PTPRM: variants seen among roughly 807,000 people sequenced by gnomAD.
The protein encoded by PTPRM is protein tyrosine phosphatase receptor type M.
In PTPRM, 47 loss-of-function variants were observed where a neutral mutation model predicts 186.7. The observed-to-expected ratio is 0.25, with a 90% CI of 0.20 to 0.32. PTPRM has a LOEUF of 0.32. Among genes scored for constraint, PTPRM ranks in the 10% least tolerant of loss-of-function variants. The pLI is 1.00. For synonymous variants in PTPRM, 668 were observed against 674.9 expected, an observed-to-expected ratio of 0.99 and a Z score of 0.16; for missense variants, 1,494 against 1,865.0, an observed-to-expected ratio of 0.80 and a Z score of 3.66.
At position 8,233,219 on chromosome 18, in the gene PTPRM, C is replaced by T. The variant is rs1041215213; in HGVS notation, c.2301-10839C>T. 1.5e-4 allele frequency among the ~76,000 whole-genome samples: 23 copies of T among 152,344 alleles called. 1 individual carries two copies. Among genetic ancestry groups the T allele is most frequent in the African/African-American group, 4.3e-4 (18 of 41,586 alleles). On this transcript the variant is annotated intron_variant, in intron 14 of 32. Transcript: ENST00000580170. ...CCTCCCAGAGTGCTGGGATTACAGG[C>T]GTAAGCCACTGTGCCTGGCCCAAAC... is the stretch of plus-strand genomic sequence containing the variant.
intron 1 of PTPRM, among the ~76,000 whole-genome samples, chr18:7,616,082 A>G (rs1421914393): frequency 6.6e-6 from 1 of 152,158 alleles, no homozygotes; most frequent in Non-Finnish European, 1.5e-5. Flanking sequence ...ACAGGCCGTG[A>G]CTGGTAGCAG....
chr18:7,977,896 C>T (rs2055065174), intron 7 of PTPRM, among the ~76,000 whole-genome samples: 1 of 152,218 alleles, frequency 6.6e-6, no homozygotes, highest in Non-Finnish European at 1.5e-5. Context: ...AAGTCTCAGA[C>T]TCCTCACAGT....
At chr18:8,209,989 TAAAAAAAAAAAAAA>T (rs67547673) in intron 14 of PTPRM, among the ~76,000 whole-genome samples, 4,798 of 78,814 alleles carry the variant, frequency 0.061, 342 homozygotes, top group African/African-American at 0.2. Context: ...GAAGTAAAAT[TAAAAAAAAAAAAAA>T]AAAAAAAAAA....
intron 1 of PTPRM, among the ~76,000 whole-genome samples, chr18:7,646,677 C>T (rs2038572112): frequency 6.6e-6 from 1 of 152,148 alleles, no homozygotes; most frequent in South Asian, 2.1e-4. Flanking sequence ...GAAATCCGAG[C>T]TTTCCATTAA....
chr18:7,825,130 G>A (rs1187043859), intron 2 of PTPRM, among the ~76,000 whole-genome samples: 1 of 152,176 alleles, frequency 6.6e-6, no homozygotes, highest in African/African-American at 2.4e-5. Flanking sequence ...TCCCTAGGAA[G>A]AAGTGGCCGG....
chr18:8,250,858 C>T (rs942274779), intron 17 of PTPRM, among the ~76,000 whole-genome samples: 1 of 150,876 alleles, frequency 6.6e-6, no homozygotes, highest in Non-Finnish European at 1.5e-5. Context: ...AAATTAATGA[C>T]AAGTAATATA....
chr18:8,126,013 A>AT (rs2092343847), intron 13 of PTPRM, among the ~76,000 whole-genome samples: 2 of 22,418 alleles, frequency 8.9e-5, no homozygotes, highest in Non-Finnish European at 1.9e-4. Flanking sequence ...ATATATATAT[A>AT]TATATATATA....
At chr18:7,756,830 G>A (rs997064756) in intron 1 of PTPRM, among the ~76,000 whole-genome samples, 15 of 152,200 alleles carry the variant, frequency 9.9e-5, no homozygotes, top group Non-Finnish European at 1.9e-4. Flanking sequence ...TGTAAAGGGG[G>A]GACAACGTTT....
At chr18:8,131,449 T>C (rs1351602496) in intron 13 of PTPRM, among the ~76,000 whole-genome samples, 1 of 152,226 alleles carries the variant, frequency 6.6e-6, no homozygotes, top group Non-Finnish European at 1.5e-5. Flanking sequence ...ACAGCTATTT[T>C]ATTTCAAGCA....
At chr18:7,748,202 A>G (rs911400137) in intron 1 of PTPRM, among the ~76,000 whole-genome samples, 2 of 152,242 alleles carry the variant, frequency 1.3e-5, no homozygotes. Flanking sequence ...CACTAGTCAT[A>G]CAAGGCTACT....
intron 11 of PTPRM, among the ~76,000 whole-genome samples, chr18:8,092,574 T>C (rs2090798223): frequency 6.6e-6 from 1 of 152,052 alleles, no homozygotes; most frequent in South Asian, 2.1e-4. Context: ...ACAGTGCCCC[T>C]GGCAAATTCA....
intron 2 of PTPRM, among the ~76,000 whole-genome samples, chr18:7,842,930 G>GTGTGTGTGTGTATATA (rs377182615): frequency 2.0e-5 from 2 of 100,934 alleles, no homozygotes; most frequent in African/African-American, 9.9e-5. Context: ...GTGTGTGTGT[G>GTGTGTGTGTGTATATA]TATATATATA....
At chr18:8,037,004 C>T (rs1412353030) in intron 7 of PTPRM, among the ~76,000 whole-genome samples, 1 of 152,164 alleles carries the variant, frequency 6.6e-6, no homozygotes, top group African/African-American at 2.4e-5. Context: ...GGATCATGGG[C>T]TCCTTGTTTT....
intron 7 of PTPRM, among the ~76,000 whole-genome samples, chr18:8,005,130 G>A (rs1349900415): frequency 1.3e-5 from 2 of 152,154 alleles, no homozygotes; most frequent in Non-Finnish European, 2.9e-5. Flanking sequence ...GGGCATGGCT[G>A]GTGAATGGTT....
At chr18:8,260,118 CA>C (rs1207953231) in intron 19 of PTPRM, among the ~76,000 whole-genome samples, 1 of 152,042 alleles carries the variant, frequency 6.6e-6, no homozygotes, top group Non-Finnish European at 1.5e-5. Flanking sequence ...TGTGCTAAGT[CA>C]AAGGGGAAGT....
chr18:8,022,746 T>G (rs1049348819), intron 7 of PTPRM, among the ~76,000 whole-genome samples: 2 of 152,174 alleles, frequency 1.3e-5, no homozygotes, highest in Non-Finnish European at 2.9e-5. Flanking sequence ...AGGCCTGTCC[T>G]TATCAATGAC....
chr18:7,862,410 A>G (rs537911383), intron 2 of PTPRM, among the ~76,000 whole-genome samples: 1 of 152,350 alleles, frequency 6.6e-6, no homozygotes, highest in South Asian at 2.1e-4. Context: ...AGGAAGTGCC[A>G]CATTCAAATA....
intron 1 of PTPRM, among the ~76,000 whole-genome samples, chr18:7,700,025 G>A (rs954446755): frequency 1.4e-4 from 22 of 152,182 alleles, no homozygotes; most frequent in African/African-American, 5.3e-4. Flanking sequence ...CCTTTGTAAT[G>A]GAAAACTATA....
intron 1 of PTPRM, among the ~76,000 whole-genome samples, chr18:7,710,289 C>T (rs1454918932): frequency 6.6e-6 from 1 of 152,112 alleles, no homozygotes; most frequent in African/African-American, 2.4e-5. Flanking sequence ...GAATTAAAAA[C>T]AAAAATCATA....
Sources: allele counts gnomAD v4.1 joint callset (sites outside exome capture counted in the v4.1 genomes callset), GRCh38; gene constraint gnomAD v4.1.1; transcripts MANE v1.5; gene names NCBI Gene and HGNC (gene_info 2026-07-23, HGNC 2026-07-21).